UBB: variants seen among roughly 807,000 people sequenced by gnomAD.
The protein encoded by UBB is ubiquitin B, also known as polyubiquitin-B.
Under a neutral mutation model 12.5 loss-of-function variants are expected in UBB, and 11 were observed. That is an observed-to-expected ratio of 0.88 (90% CI 0.55 to 1.45). The LOEUF (loss-of-function observed/expected upper bound fraction) is 1.45, where lower values mean the gene tolerates loss of function less well. Among genes scored for constraint, UBB ranks in the 40% most tolerant of loss-of-function variants. The pLI, the probability that UBB is intolerant of heterozygous loss-of-function variation, is 0.00. For missense variants in UBB, 76 were observed against 286.9 expected (o/e 0.26, Z 5.31); for synonymous variants, 168 against 120.1 (o/e 1.40, Z -2.61).
At chr17:16,381,306 C>G (rs1435567993) in intron 1 of UBB, 122 bp downstream of exon 1, 1 of 154,134 alleles carries the variant, frequency 6.5e-6, no homozygotes, top group Non-Finnish European at 1.4e-5. Flanking sequence ...GAGGGGAGGG[C>G]GAGGTGACGC....
rs769626846 is a variant in UBB, at chr17:16,382,432, C to T, written c.525C>T (p.Ile175=). 3.1e-6 allele frequency: 5 copies of T among 1,611,372 alleles called. No individual in the cohort carries two copies. The South Asian group carries it at 4.4e-5, about 14-fold the overall frequency. Residue 175 remains isoleucine (I), a synonymous_variant, in exon 2 of 2, where the codon ATC becomes ATT. Coordinates refer to ENST00000302182, the MANE Select transcript of UBB (RefSeq NM_018955.4). Reference sequence around the variant, plus strand: ...TGGAGGTGGAGCCCAGTGACACCATCGAAAATGTGAAGGCCAAGATCCAAG... The same window carrying T: ...TGGAGGTGGAGCCCAGTGACACCATTGAAAATGTGAAGGCCAAGATCCAAG... ...ITLEVEPSDT[I]ENVKAKIQDK...
chr17:16,381,256 T>C (rs1158870531), intron 1 of UBB, 72 bp downstream of exon 1: 2 of 152,734 alleles, frequency 1.3e-5, no homozygotes, highest in Non-Finnish European at 2.8e-5. Flanking sequence ...AGGTGGAGGC[T>C]TCTTGGGGTT....
rs934632707 is a variant in UBB, at chr17:16,382,635, A to G, written c.*38A>G. On this transcript the variant is annotated 3_prime_UTR_variant, in exon 2 of 2. Coordinates refer to ENST00000302182, the MANE Select transcript of UBB (RefSeq NM_018955.4). Reference sequence around the variant, plus strand: ...GGCATTCGCAGTGCCCAGTGATGGCATTACTCTGCACTATAGCCATTTGCC... The same window carrying G: ...GGCATTCGCAGTGCCCAGTGATGGCGTTACTCTGCACTATAGCCATTTGCC... 1 of 1,610,568 alleles carries G rather than the reference A, an allele frequency of 6.2e-7. No individual in the cohort carries two copies. The highest frequency in any genetic ancestry group is 8.5e-7 in the Non-Finnish European group (1 of 1,178,222).
At chr17:16,381,682 A>T (rs2142924178) in intron 1 of UBB, 2 of 644,386 alleles carry the variant, frequency 3.1e-6, no homozygotes, top group Non-Finnish European at 5.2e-6. Flanking sequence ...GACGCTTGGT[A>T]AGAGAGCGCT....
chr17:16,382,673 T>G lies in UBB; in HGVS notation c.*76T>G. On this transcript the variant is annotated 3_prime_UTR_variant, in exon 2 of 2. Transcript: ENST00000302182. ...ATAGCCATTTGCCCCAACTTAAGTT[T>G]AGAAATTACAAGTTTCAGTAATAGC... 1 of 1,557,100 alleles carries G rather than the reference T, an allele frequency of 6.4e-7. No homozygotes were observed. The highest frequency in any genetic ancestry group is 8.7e-7 in the Non-Finnish European group (1 of 1,146,832).
chr17:16,382,319 C>T lies in UBB; in HGVS notation c.412C>T (p.Gln138Ter). The T allele has an allele frequency of 6.2e-7, 1 of 1,602,434 alleles. No individual in the cohort carries two copies. The highest frequency in any genetic ancestry group is 1.1e-5 in the South Asian group (1 of 90,536). Residue 138 changes from glutamine (Q) to a stop codon, truncating the protein, a stop_gained, in exon 2 of 2, where the codon CAG becomes TAG. Transcript: ENST00000302182. LOFTEE classifies it high-confidence loss of function. ...CCGCACTCTTTCTGACTACAACATC[C>T]AGAAGGAGTCGACCCTGCACCTGGT... ...DGRTLSDYNI[Q>*]KESTLHLVLR...
At chr17:16,381,586 G>C (rs1335478781) in intron 1 of UBB, 1 of 403,178 alleles carries the variant, frequency 2.5e-6, no homozygotes, top group East Asian at 5.3e-5. Context: ...TTTTCAGTTT[G>C]CCTAACACCG....
intron 1 of UBB, 24 bp from the exon 2 acceptor site, chr17:16,381,878 G>T (rs765456457): frequency 1.2e-6 from 2 of 1,612,168 alleles, no homozygotes; most frequent in Non-Finnish European, 1.7e-6. Context: ...GAGGTGACAC[G>T]CTTATGTTTT....
rs146449749 is a variant in UBB, at chr17:16,382,102, G to C, written c.195G>C (p.Ser65=). The C allele has an allele frequency of 6.2e-7, 1 of 1,604,132 alleles. No homozygotes were observed. Among genetic ancestry groups the C allele is most frequent in the Non-Finnish European group, 8.5e-7 (1 of 1,177,832 alleles). Residue 65 remains serine (S), a synonymous_variant, in exon 2 of 2, where the codon TCG becomes TCC. Transcript: ENST00000302182. ...CTGACTACAACATCCAGAAGGAGTC[G>C]ACCCTGCACCTGGTCCTGCGTCTGA... The part of the protein sequence containing the change: ...TLSDYNIQKE[S]TLHLVLRLRG...
chr17:16,381,330 T>G (rs2093274393), intron 1 of UBB, 146 bp downstream of exon 1: 1 of 165,560 alleles, frequency 6.0e-6, no homozygotes, highest in Non-Finnish European at 1.3e-5. Context: ...GCTGGGCCTT[T>G]CCGGGACAGT....
At chr17:16,380,828 C>CCTCGA (rs1357264796), upstream of UBB, 1 of 153,578 alleles carries the variant, frequency 6.5e-6, no homozygotes, top group African/African-American at 2.4e-5. Context: ...AAGGTTTCTT[C>CCTCGA]AACTCAAATT....
chr17:16,380,897 G>C (rs768425935), upstream of UBB: 2 of 153,770 alleles, frequency 1.3e-5, no homozygotes, highest in Admixed American at 6.5e-5. Flanking sequence ...GCATAGAGGA[G>C]AAGGGAAATA....
In UBB at chr17:16,382,017, C is replaced by T. The variant is rs1190064981; in HGVS notation, c.110C>T (p.Pro37Leu). The T allele has an allele frequency of 6.2e-7, 1 of 1,611,964 alleles. No homozygotes were observed. The highest frequency in any genetic ancestry group is 1.7e-5 in the Admixed American group (1 of 59,680). ...AAGATCCAGGATAAGGAAGGCATTC[C>T]CCCCGACCAGCAGAGGCTCATCTTT... is the stretch of plus-strand genomic sequence containing the variant. ...KAKIQDKEGI[P>L]PDQQRLIFAG... Residue 37 changes from proline (P) to leucine (L), a missense_variant, in exon 2 of 2, where the codon CCC becomes CTC. Physicochemically the swap from Pro to Leu is moderately conservative, Grantham distance 98. Coordinates refer to ENST00000302182, the MANE Select transcript of UBB (RefSeq NM_018955.4).
intron 1 of UBB, 191 bp downstream of exon 1, chr17:16,381,375 G>GGC (rs924225897): frequency 5.1e-5 from 9 of 177,144 alleles, no homozygotes; most frequent in South Asian, 1.1e-4. Flanking sequence ...GAGGGCGGTT[G>GGC]GCGCGCGCGC....
chr17:16,381,913 G>A lies in UBB; in HGVS notation c.6G>A (p.Gln2=). 6.2e-7 allele frequency: 1 copy of A among 1,614,192 alleles called. No homozygotes were observed. Among genetic ancestry groups the A allele is most frequent in the Non-Finnish European group, 8.5e-7 (1 of 1,180,020 alleles). Residue 2 remains glutamine (Q), a synonymous_variant, in exon 2 of 2, where the codon CAG becomes CAA. Coordinates refer to ENST00000302182, the MANE Select transcript of UBB (RefSeq NM_018955.4). M[Q]IFVKTLTGKT... ...TACTTTTAAACTAGGTCAAAATGCA[G>A]ATCTTCGTGAAAACCCTTACCGGCA...
intron 1 of UBB, chr17:16,381,479 C>T (rs911451116): frequency 3.9e-5 from 8 of 203,212 alleles, no homozygotes; most frequent in East Asian, 3.7e-4. Context: ...TGTGTGGTTT[C>T]TGGAAGCCTT....
chr17:16,382,715 G>A lies in UBB; in HGVS notation c.*118G>A. The A allele has an allele frequency of 2.2e-6, 3 of 1,368,364 alleles. No individual in the cohort carries two copies. The highest frequency in any genetic ancestry group is 1.4e-5 in the South Asian group (1 of 70,838). The allele number at this position is 1,368,364 out of a possible 1,614,324, so 84.8% of individuals were successfully genotyped here. A position where few individuals can be genotyped will look rare whatever the true frequency, so the allele number is the denominator to read the frequency against. On this transcript the variant is annotated 3_prime_UTR_variant, in exon 2 of 2. Coordinates refer to ENST00000302182, the MANE Select transcript of UBB (RefSeq NM_018955.4). The stretch of plus-strand genomic sequence containing the variant: ...AGTAATAGCTGAACCTGTTCAAAAT[G>A]TTAATAAAGGTTTCGTTGCATGGTA...
upstream of UBB, chr17:16,381,047 A>T (rs116867277): frequency 6.5e-6 from 1 of 153,406 alleles, no homozygotes; most frequent in Non-Finnish European, 1.5e-5. Flanking sequence ...GTGATAAGTG[A>T]CGCAACACTC....
Position 16,382,526 on chromosome 17 carries a change from A to G in UBB, c.619A>G (p.Thr207Ala). The G allele has an allele frequency of 1.2e-6, 2 of 1,612,840 alleles. No homozygotes were observed. The highest frequency in any genetic ancestry group is 1.7e-5 in the Admixed American group (1 of 59,892). Residue 207 changes from threonine (T) to alanine (A), a missense_variant, in exon 2 of 2, where the codon ACT (threonine) becomes GCT (alanine). Coordinates refer to ENST00000302182, the MANE Select transcript of UBB (RefSeq NM_018955.4). ...AGGCAAGCAGCTGGAAGATGGCCGC[A>G]CTCTTTCTGACTACAACATCCAGAA... The part of the protein sequence containing the change: ...FAGKQLEDGR[T>A]LSDYNIQKES...
Sources: gnomAD v4.1 joint callset for allele counts on GRCh38, gnomAD v4.1.1 for gene constraint, MANE v1.5 for transcripts, NCBI Gene and HGNC (gene_info 2026-07-23, HGNC 2026-07-21) for gene names.